SEC16A: variants seen among roughly 807,000 people sequenced by gnomAD.
The protein encoded by SEC16A is SEC16 homolog A, endoplasmic reticulum export factor.
In SEC16A, 110 loss-of-function variants were observed where a neutral mutation model predicts 221.9. The ratio of observed to expected loss-of-function variants is 0.50; its 90% confidence interval spans 0.42 to 0.58. SEC16A has a LOEUF of 0.58. SEC16A is among the 20% of genes least tolerant of loss of function. The pLI, the probability that SEC16A is intolerant of heterozygous loss-of-function variation, is 0.00. For missense variants in SEC16A, 3,165 were observed against 3,097.8 expected, an observed-to-expected ratio of 1.02 and a Z score of -0.52; for synonymous variants, 1,393 against 1,257.7, an observed-to-expected ratio of 1.11 and a Z score of -2.28.
At chr9:136,444,047 C>A in intron 30 of SEC16A, 147 bp from the exon 31 acceptor site, 1 of 561,072 alleles carries the variant, frequency 1.8e-6, no homozygotes, top group Non-Finnish European at 3.1e-6. Flanking sequence ...TCTTGCAACA[C>A]TGGATTTAGT....
intron 23 of SEC16A, among the ~76,000 whole-genome samples, chr9:136,449,439 G>T (rs1837481412): frequency 6.6e-6 from 1 of 152,138 alleles, no homozygotes; most frequent in Non-Finnish European, 1.5e-5. Context: ...TAGTAGAGAT[G>T]GGGTTTCACC....
At position 136,466,061 on chromosome 9, in the gene SEC16A, C is replaced by A; in HGVS notation, c.4204G>T (p.Asp1402Tyr). ...APLPPGSFHG[D>Y]FAYGTYRSNF... ...CTGCGGTAGGTGCCGTAGGCAAAAT[C>A]GCCGTGAAAGGAGCCTGGAGGAAGC... The change falls in exon 8 of 32, where the codon GAT becomes TAT. Residue 1402 changes from aspartate (D) to tyrosine (Y), a missense_variant. By Grantham distance (160) the Asp-to-Tyr change is radical (BLOSUM62 -3). This residue lies in a region of SEC16A where 2,030 missense variants were observed against 1,923.1 expected (regional missense o/e 1.06). Coordinates refer to ENST00000684901, the MANE Select transcript of SEC16A (RefSeq NM_014866.2). This position sits in a 1 kb window ranked among gnomAD's most constrained non-coding sequence, Gnocchi z 5.5. The A allele has an allele frequency of 6.2e-7, 1 of 1,613,290 alleles. No homozygotes were observed. Among genetic ancestry groups the A allele is most frequent in the Non-Finnish European group, 8.5e-7 (1 of 1,179,704 alleles).
At position 136,442,497 on chromosome 9, in the gene SEC16A, C is replaced by T. The variant is rs577346699; in HGVS notation, c.7006-674G>A. On this transcript the variant is annotated intron_variant, in intron 31 of 31. Transcript: ENST00000684901. ...GGCTGGGGTGACAATGGGGCTGAAT[C>T]CCAAGAGGCCCCAGACCTTGGACCC... Among the ~76,000 whole-genome samples, 4 of 152,290 alleles carry T rather than the reference C, an allele frequency of 2.6e-5. No homozygotes were observed. In the South Asian group the frequency reaches 8.3e-4, roughly 32 times the overall value.
chr9:136,465,611 T>C (rs541417637), intron 8 of SEC16A, among the ~76,000 whole-genome samples: 5 of 152,196 alleles, frequency 3.3e-5, no homozygotes, highest in Non-Finnish European at 7.3e-5. Flanking sequence ...GAGCGGAGTC[T>C]CCAAGGGGAA....
At chr9:136,453,812 C>T (rs1276168064) in intron 21 of SEC16A, among the ~76,000 whole-genome samples, 1 of 152,224 alleles carries the variant, frequency 6.6e-6, no homozygotes, top group East Asian at 1.9e-4. Context: ...ACCAGGCGTC[C>T]AGCAGGGCCG....
At chr9:136,444,077 A>C in intron 30 of SEC16A, 177 bp from the exon 31 acceptor site, 1 of 525,272 alleles carries the variant, frequency 1.9e-6, no homozygotes, top group Non-Finnish European at 3.4e-6. Flanking sequence ...GTTCAGAGAA[A>C]AATGGTGAAA....
chr9:136,448,030 C>G, intron 24 of SEC16A, 54 bp downstream of exon 24: 1 of 1,563,918 alleles, frequency 6.4e-7, no homozygotes, highest in Non-Finnish European at 8.7e-7. Context: ...CTGAAAGTGA[C>G]AGAAAAATCA....
rs1399814318 is a variant in SEC16A, at chr9:136,477,317, C to T, written c.299G>A (p.Arg100Lys). Residue 100 changes from arginine to lysine, a missense_variant, in exon 3 of 32, where the codon AGA becomes AAA. Physicochemically the swap from Arg to Lys is conservative, Grantham distance 26 (BLOSUM62 2). This residue lies in a region of SEC16A where 2,030 missense variants were observed against 1,923.1 expected (regional missense o/e 1.06). Coordinates refer to ENST00000684901, the MANE Select transcript of SEC16A (RefSeq NM_014866.2). ...CTCACAGGGTCCCTGAGAGCTATCT[C>T]TGGCATGTGTGTGAGGAACAAGCAA... ...PGLLVPHTHA[R>K]DSSQGPCEPL... 4.3e-6 allele frequency: 7 copies of T among 1,613,830 alleles called. No homozygotes were observed.
In SEC16A at chr9:136,466,444, G is replaced by C; in HGVS notation, c.3948C>G (p.Asn1316Lys). The C allele has an allele frequency of 6.2e-7, 1 of 1,606,434 alleles. No homozygotes were observed. The highest frequency in any genetic ancestry group is 8.5e-7 in the Non-Finnish European group (1 of 1,176,470). Residue 1316 changes from asparagine (N) to lysine (K), a missense_variant, in exon 7 of 32, where the codon AAC becomes AAG. Around this residue, in one of 3 missense-constraint regions of SEC16A, gnomAD observed 2,030 missense variants for 1,923.1 expected, o/e 1.06. Coordinates refer to ENST00000684901, the MANE Select transcript of SEC16A (RefSeq NM_014866.2). The surrounding 1 kb of genome is among the most constrained non-coding windows in gnomAD (Gnocchi z 5.5). ...TGAAGCGAGGATCGTACCTCCAGTT[G>C]TTGTCACGTTTCTCGGGCCTAGAGG... is the stretch of plus-strand genomic sequence containing the variant. ...AFGDRPEKRDNNWRYDPRFTG... is the reference protein window; with the variant it reads ...AFGDRPEKRDKNWRYDPRFTG...
chr9:136,458,794 G>A (rs1315143326), intron 17 of SEC16A, among the ~76,000 whole-genome samples: 1 of 151,642 alleles, frequency 6.6e-6, no homozygotes, highest in Non-Finnish European at 1.5e-5. Flanking sequence ...TGGCATGGTA[G>A]TGCTGCTTGT....
In SEC16A at chr9:136,447,330, G is replaced by A. The variant is rs773205203; in HGVS notation, c.6594C>T (p.Asn2198=). The change falls in exon 27 of 32, where the codon AAC becomes AAT. Residue 2198 remains asparagine (N), a synonymous_variant. Transcript: ENST00000684901. This position sits in a 1 kb window ranked among gnomAD's most constrained non-coding sequence, Gnocchi z 5.5. ...GTRARYVDVL[N]PSGTQRSEPA... ...GCTCGCTCCGCTGGGTCCCGCTTGGGTTCAGGACGTCAACGTAGCGAGCTC... is the reference window on the plus strand; with the variant it reads ...GCTCGCTCCGCTGGGTCCCGCTTGGATTCAGGACGTCAACGTAGCGAGCTC... 1.9e-6 allele frequency: 3 copies of A among 1,598,270 alleles called. No homozygotes were observed. The highest frequency in any genetic ancestry group is 2.3e-5 in the South Asian group (2 of 88,296).
intron 27 of SEC16A, 48 bp from the exon 28 acceptor site, chr9:136,446,997 T>C (rs1031095929): frequency 2.5e-6 from 4 of 1,612,410 alleles, no homozygotes; most frequent in Non-Finnish European, 3.4e-6. Flanking sequence ...CGAACGTCCC[T>C]GGGGTCTCAC....
intron 28 of SEC16A, 47 bp from the exon 29 acceptor site, chr9:136,445,766 A>T: frequency 6.6e-7 from 1 of 1,522,432 alleles, no homozygotes; most frequent in Non-Finnish European, 8.9e-7. Flanking sequence ...CAGGGAATTT[A>T]AGTCTCTCAC....
chr9:136,457,465 C>T lies in SEC16A; in HGVS notation c.5529G>A (p.Val1843=), dbSNP rs371011658. Residue 1843 remains valine, a synonymous_variant, in exon 18 of 32, where the codon GTG becomes GTA. Coordinates refer to ENST00000684901, the MANE Select transcript of SEC16A (RefSeq NM_014866.2). ...ILTQPHLYSP[V]LISQLVQMAS... Reference sequence around the variant, plus strand: ...GCACCTGCACAAGCTGGCTGATCAACACCGGGGAATACAGGTGCGGCTGCG... The same window carrying T: ...GCACCTGCACAAGCTGGCTGATCAATACCGGGGAATACAGGTGCGGCTGCG... 1.1e-4 allele frequency: 169 copies of T among 1,606,688 alleles called. No individual in the cohort carries two copies. In the African/African-American group the frequency reaches 1.9e-3, roughly 18 times the overall value.
rs901951848 is a variant in SEC16A, at chr9:136,453,575, A to G, written c.6077-65T>C. ...AGAAGGCGGGACGTGTGTGTGGCGC[A>G]CAGATCAACAGGCACACCACCTTCC... On this transcript the variant is annotated intron_variant, in intron 21 of 31. Transcript: ENST00000684901. 3.1e-6 allele frequency: 4 copies of G among 1,293,580 alleles called. No homozygotes were observed. In the African/African-American group the frequency reaches 5.8e-5, roughly 19 times the overall value. The allele number at this position is 1,293,580 out of a possible 1,614,324, so 80.1% of individuals were successfully genotyped here. A position where few individuals can be genotyped will look rare whatever the true frequency, so the allele number is the denominator to read the frequency against.
At chr9:136,443,251 C>T (rs779435084) in intron 31 of SEC16A, among the ~76,000 whole-genome samples, 5 of 152,238 alleles carry the variant, frequency 3.3e-5, no homozygotes, top group Non-Finnish European at 2.9e-5. Flanking sequence ...CACGGGAGCA[C>T]GGCGGGCCTG....
chr9:136,481,624 C>T (rs186464555), intron 1 of SEC16A, among the ~76,000 whole-genome samples: 2 of 152,310 alleles, frequency 1.3e-5, no homozygotes, highest in Admixed American at 1.3e-4. Flanking sequence ...ATTTAAAATG[C>T]ATGCACACCC....
intron 14 of SEC16A, 28 bp downstream of exon 14, chr9:136,460,014 G>A: frequency 6.3e-7 from 1 of 1,583,212 alleles, no homozygotes; most frequent in Non-Finnish European, 8.6e-7. Flanking sequence ...AGTGGAGCCT[G>A]TGCAAGCCAC....
intron 18 of SEC16A, 52 bp from the exon 19 acceptor site, chr9:136,456,218 T>C: frequency 1.5e-6 from 2 of 1,372,218 alleles, no homozygotes; most frequent in East Asian, 4.6e-5. Context: ...TGATGGCAAG[T>C]GAGCCGTCTT....
Sources: gnomAD v4.1 joint callset for allele counts (sites outside exome capture counted in the v4.1 genomes callset) on GRCh38, gnomAD v4.1.1 for gene constraint, gnomAD v4.1.1 regional missense constraint, Gnocchi (gnomAD v3.1) non-coding constraint, MANE v1.5 for transcripts, NCBI Gene and HGNC (gene_info 2026-07-23, HGNC 2026-07-21) for gene names.